The following NEDD4L variants were observed in gnomAD, a reference collection of about 807,000 sequenced individuals.
NEDD4L encodes E3 ubiquitin-protein ligase NEDD4-like.
NEDD4L carries 54 observed loss-of-function variants against 148.9 expected under a neutral mutation model. That is an observed-to-expected ratio of 0.36 (90% CI 0.29 to 0.45). The LOEUF is 0.45. NEDD4L is among the 20% of genes least tolerant of loss of function. NEDD4L has a pLI of 1.00. For synonymous variants in NEDD4L, 433 were observed against 440.7 expected, an observed-to-expected ratio of 0.98 and a Z score of 0.22; for missense variants, 856 against 1,233.8, an observed-to-expected ratio of 0.69 and a Z score of 4.59.
intron 24 of NEDD4L, among the ~76,000 whole-genome samples, chr18:58,377,105 C>T (rs1240587468): frequency 1.3e-5 from 2 of 152,150 alleles, no homozygotes; most frequent in Non-Finnish European, 2.9e-5. Flanking sequence ...TGATGGCAGC[C>T]GCATGCCTGC....
chr18:58,093,925 C>T (rs1198726461), intron 1 of NEDD4L, among the ~76,000 whole-genome samples: 1 of 152,222 alleles, frequency 6.6e-6, no homozygotes, highest in African/African-American at 2.4e-5. Context: ...GCAAGACATG[C>T]AGTCCCAGCT....
chr18:58,351,544 G>C (rs1039094931), intron 18 of NEDD4L, among the ~76,000 whole-genome samples: 9 of 152,114 alleles, frequency 5.9e-5, no homozygotes, highest in Admixed American at 5.9e-4. Context: ...GTATTTTCTG[G>C]AAATTGTAGT....
intron 1 of NEDD4L, among the ~76,000 whole-genome samples, chr18:58,059,189 A>G (rs916812095): frequency 1.3e-5 from 2 of 151,982 alleles, no homozygotes; most frequent in Admixed American, 6.6e-5. Context: ...TTGGTTTCCT[A>G]AAGTTCAGGG....
intron 5 of NEDD4L, among the ~76,000 whole-genome samples, chr18:58,262,030 A>G (rs1600388587): frequency 6.6e-6 from 1 of 152,164 alleles, no homozygotes; most frequent in Non-Finnish European, 1.5e-5. Context: ...TTATTCGGAC[A>G]GGTTATCATC....
At chr18:58,139,739 T>C (rs559244636) in intron 1 of NEDD4L, among the ~76,000 whole-genome samples, 86 of 152,204 alleles carry the variant, frequency 5.7e-4, no homozygotes, top group African/African-American at 2.0e-3. Context: ...GAGCCTGACT[T>C]CGAATCAGCT....
intron 2 of NEDD4L, among the ~76,000 whole-genome samples, chr18:58,180,090 C>T (rs1184982752): frequency 6.6e-6 from 1 of 152,214 alleles, no homozygotes; most frequent in Non-Finnish European, 1.5e-5. Flanking sequence ...ACAGACAGAC[C>T]ATGTTCCTGC....
intron 5 of NEDD4L, among the ~76,000 whole-genome samples, chr18:58,257,813 C>T (rs504286): frequency 6.6e-6 from 1 of 152,198 alleles, no homozygotes; most frequent in Non-Finnish European, 1.5e-5. Context: ...GTGCTTTCTC[C>T]TAAAGAACAA....
intron 1 of NEDD4L, among the ~76,000 whole-genome samples, chr18:58,100,538 G>A (rs1211067779): frequency 6.6e-6 from 1 of 152,138 alleles, no homozygotes; most frequent in East Asian, 1.9e-4. Context: ...AATACCCTTT[G>A]GGGACCTTTC....
chr18:58,127,017 G>T (rs1292853079), intron 1 of NEDD4L, among the ~76,000 whole-genome samples: 2 of 152,194 alleles, frequency 1.3e-5, no homozygotes, highest in African/African-American at 4.8e-5. Flanking sequence ...GTCGGGATAG[G>T]TGAGACTGGG....
intron 1 of NEDD4L, among the ~76,000 whole-genome samples, chr18:58,059,754 A>G (rs1598984549): frequency 6.6e-6 from 1 of 152,324 alleles, no homozygotes; most frequent in Non-Finnish European, 1.5e-5. Context: ...AATTGCCAAG[A>G]CAGTAGATTT....
intron 2 of NEDD4L, among the ~76,000 whole-genome samples, chr18:58,233,951 TGTGC>T (rs2045571629): frequency 6.6e-6 from 1 of 152,090 alleles, no homozygotes; most frequent in Non-Finnish European, 1.5e-5. Context: ...CCTCTGTGCC[TGTGC>T]CTGTTTGTTT....
At chr18:58,390,613 G>A (rs923986620) in intron 28 of NEDD4L, 33 bp from the exon 29 acceptor site, 1 of 1,391,774 alleles carries the variant, frequency 7.2e-7, no homozygotes, top group Non-Finnish European at 1.0e-6. Flanking sequence ...GGGTCACGTG[G>A]GGGGTATAAT....
chr18:58,278,422 G>C lies in NEDD4L; in HGVS notation c.297+26368G>C, dbSNP rs74524158. 9.2e-3 allele frequency among the ~76,000 whole-genome samples: 1,393 copies of C among 152,220 alleles called. 24 individuals are homozygous for C. Among genetic ancestry groups the C allele is most frequent in the African/African-American group, 0.032 (1,330 of 41,516 alleles). On this transcript the variant is annotated intron_variant, in intron 5 of 30. Coordinates refer to ENST00000400345, the MANE Select transcript of NEDD4L (RefSeq NM_001144967.3). ...CTTATTCAGAGGAGTTTCCTACCTG[G>C]TTAGACACTTAACCACCTCCAGACG... is the stretch of plus-strand genomic sequence containing the variant.
intron 13 of NEDD4L, among the ~76,000 whole-genome samples, chr18:58,336,423 A>C (rs2041773361): frequency 6.6e-6 from 1 of 152,060 alleles, no homozygotes; most frequent in African/African-American, 2.4e-5. Flanking sequence ...TAAAAGTACA[A>C]AAAATTAGCC....
At chr18:58,251,963 C>A in intron 4 of NEDD4L, 38 bp from the exon 5 acceptor site, 1 of 1,169,922 alleles carries the variant, frequency 8.5e-7, no homozygotes, top group Non-Finnish European at 1.3e-6. Context: ...TCAAATGATT[C>A]CTGCTCGTTT....
intron 5 of NEDD4L, among the ~76,000 whole-genome samples, chr18:58,262,437 T>C (rs371561584): frequency 6.6e-6 from 1 of 152,276 alleles, no homozygotes; most frequent in African/African-American, 2.4e-5. Flanking sequence ...GAGACCAGCC[T>C]GAGCAACATG....
At chr18:58,077,816 C>T (rs933525461) in intron 1 of NEDD4L, among the ~76,000 whole-genome samples, 2 of 152,116 alleles carry the variant, frequency 1.3e-5, no homozygotes, top group African/African-American at 2.4e-5. Flanking sequence ...TTGTTTAAAA[C>T]AGTGGTTCTC....
At chr18:58,201,879 C>A (rs1404187293) in intron 2 of NEDD4L, among the ~76,000 whole-genome samples, 1 of 152,130 alleles carries the variant, frequency 6.6e-6, no homozygotes, top group Non-Finnish European at 1.5e-5. Context: ...ACAGAGAATT[C>A]CCTTGTCTTT....
At chr18:58,200,013 GT>G (rs1359806941) in intron 2 of NEDD4L, among the ~76,000 whole-genome samples, 1 of 152,096 alleles carries the variant, frequency 6.6e-6, no homozygotes, top group Non-Finnish European at 1.5e-5. Flanking sequence ...AAACAAAAAA[GT>G]TTATTAAAAA....
Sources: allele counts gnomAD v4.1 joint callset (sites outside exome capture counted in the v4.1 genomes callset), GRCh38; gene constraint gnomAD v4.1.1; transcripts MANE v1.5; gene names NCBI Gene and HGNC (gene_info 2026-07-23, HGNC 2026-07-21).